Variants in NBEA observed in about 807,000 individuals in gnomAD.
NBEA encodes the protein neurobeachin.
NBEA carries 44 observed loss-of-function variants against 343.4 expected under a neutral mutation model. The observed-to-expected ratio is 0.13, with a 90% CI of 0.10 to 0.16. NBEA has a LOEUF of 0.16. NBEA is among the 10% of genes least tolerant of loss of function. The pLI, the probability that NBEA is intolerant of heterozygous loss-of-function variation, is 1.00. For synonymous variants in NBEA, 1,175 were observed against 1,238.7 expected (o/e 0.95, Z 1.08); for missense variants, 2,555 against 3,631.3 (o/e 0.70, Z 7.62).
chr13:35,450,667 TACA>T (rs2046265356), intron 39 of NBEA, among the ~76,000 whole-genome samples: 1 of 152,140 alleles, frequency 6.6e-6, no homozygotes, highest in South Asian at 2.1e-4. Context: ...AAAAATATAA[TACA>T]ACACCATATA....
At chr13:35,168,501 A>C (rs1314146327) in intron 24 of NBEA, among the ~76,000 whole-genome samples, 2 of 151,540 alleles carry the variant, frequency 1.3e-5, no homozygotes, top group African/African-American at 2.4e-5. Flanking sequence ...AACTATAGGA[A>C]GCTTTCTGTA....
intron 49 of NBEA, among the ~76,000 whole-genome samples, chr13:35,632,363 T>C (rs935877173): frequency 6.6e-6 from 1 of 152,172 alleles, no homozygotes; most frequent in Non-Finnish European, 1.5e-5. Flanking sequence ...GGGAACTTGC[T>C]AGAACTTCAG....
intron 11 of NBEA, among the ~76,000 whole-genome samples, chr13:35,107,544 A>G (rs2065977577): frequency 6.6e-6 from 1 of 152,030 alleles, no homozygotes; most frequent in Admixed American, 6.6e-5. Flanking sequence ...TATCTGCCCC[A>G]TAGTTTCTTC....
intron 41 of NBEA, among the ~76,000 whole-genome samples, chr13:35,488,116 C>T (rs920967360): frequency 7.2e-5 from 11 of 151,860 alleles, no homozygotes; most frequent in Middle Eastern, 3.4e-3. Flanking sequence ...GTATTTTTTC[C>T]GTGACTTGAC....
chr13:35,370,260 C>T (rs770076162), intron 38 of NBEA, among the ~76,000 whole-genome samples: 3 of 151,872 alleles, frequency 2.0e-5, no homozygotes, highest in Non-Finnish European at 4.4e-5. Context: ...TTTTCTCTTG[C>T]TGAGTTGGTC....
chr13:35,363,844 A>C (rs2040952861), intron 38 of NBEA, among the ~76,000 whole-genome samples: 1 of 151,978 alleles, frequency 6.6e-6, no homozygotes, highest in Non-Finnish European at 1.5e-5. Context: ...AATGAACAGA[A>C]AACATAAATC....
intron 34 of NBEA, among the ~76,000 whole-genome samples, chr13:35,273,920 G>A (rs1307092052): frequency 2.6e-5 from 4 of 152,046 alleles, no homozygotes; most frequent in South Asian, 2.1e-4. Flanking sequence ...ATTCACAGCC[G>A]AATTCTACCA....
intron 17 of NBEA, among the ~76,000 whole-genome samples, chr13:35,140,517 T>A (rs1370413455): frequency 1.3e-5 from 2 of 152,176 alleles, no homozygotes; most frequent in African/African-American, 2.4e-5. Flanking sequence ...GTATTTTTTT[T>A]AAATAGCCAT....
At chr13:35,273,484 A>G (rs2034332244) in intron 34 of NBEA, among the ~76,000 whole-genome samples, 1 of 152,188 alleles carries the variant, frequency 6.6e-6, no homozygotes, top group Admixed American at 6.5e-5. Context: ...TTCAAAAACT[A>G]GCAGAAGACA....
At chr13:34,984,063 G>T (rs1327061562) in intron 1 of NBEA, among the ~76,000 whole-genome samples, 2 of 151,984 alleles carry the variant, frequency 1.3e-5, no homozygotes, top group Admixed American at 6.6e-5. Context: ...GTCAATTTTG[G>T]CTTTTGTTGC....
chr13:35,568,871 T>A (rs1250329484), intron 45 of NBEA, among the ~76,000 whole-genome samples: 3 of 152,238 alleles, frequency 2.0e-5, no homozygotes, highest in Non-Finnish European at 4.4e-5. Flanking sequence ...ACAAGAACTC[T>A]GCAGCTAGAC....
At chr13:35,046,477 G>A (rs980078451) in intron 4 of NBEA, among the ~76,000 whole-genome samples, 2 of 152,022 alleles carry the variant, frequency 1.3e-5, no homozygotes, top group East Asian at 3.9e-4. Flanking sequence ...GTTATGTACA[G>A]TAGTCCCGCC....
At chr13:35,145,186 G>T (rs534011198) in intron 18 of NBEA, among the ~76,000 whole-genome samples, 4 of 152,166 alleles carry the variant, frequency 2.6e-5, no homozygotes, top group Non-Finnish European at 5.9e-5. Flanking sequence ...TCATGCTTTG[G>T]CACGGTTAGA....
chr13:35,045,185 G>C (rs548722401), intron 3 of NBEA, 121 bp from the exon 4 acceptor site: 8 of 1,196,962 alleles, frequency 6.7e-6, no homozygotes, highest in Non-Finnish European at 9.3e-6. Context: ...TAAATGTTTT[G>C]TAAATGATTT....
intron 38 of NBEA, among the ~76,000 whole-genome samples, chr13:35,420,305 G>C (rs1012160848): frequency 2.0e-5 from 3 of 151,874 alleles, no homozygotes; most frequent in Non-Finnish European, 4.4e-5. Flanking sequence ...TTTTATTCCT[G>C]TTTTCCTGAA....
intron 34 of NBEA, among the ~76,000 whole-genome samples, chr13:35,258,170 AT>A (rs572598945): frequency 0.05 from 6,672 of 134,494 alleles, 334 homozygotes; most frequent in African/African-American, 0.14. Context: ...AGTCTTTGTC[AT>A]TTTTTTTTTT....
chr13:34,979,473 T>C (rs943395990), intron 1 of NBEA, among the ~76,000 whole-genome samples: 1 of 151,994 alleles, frequency 6.6e-6, no homozygotes, highest in Non-Finnish European at 1.5e-5. Flanking sequence ...TGAGCCAAGA[T>C]TGAGCCACTG....
In NBEA at chr13:35,670,033, CT is replaced by C. The variant is rs1314842867; in HGVS notation, c.8814-866del. On this transcript the variant is annotated intron_variant, in intron 58 of 58. Transcript: ENST00000379939. ...TTTCTATTTCTATTTTAACCTCATC[CT>C]TGGTTTTGATTATTTTGTTGTTTTA... 3.9e-5 allele frequency among the ~76,000 whole-genome samples: 6 copies of C among 152,112 alleles called. No homozygotes were observed. The East Asian group carries it at 9.6e-4, about 24-fold the overall frequency.
At chr13:35,466,886 A>AT (rs938697667) in intron 40 of NBEA, among the ~76,000 whole-genome samples, 23 of 151,792 alleles carry the variant, frequency 1.5e-4, no homozygotes, top group South Asian at 2.1e-4. Flanking sequence ...TGCTACTATG[A>AT]TTTTTTTTTA....
Sources: gnomAD v4.1 joint callset for allele counts (sites outside exome capture counted in the v4.1 genomes callset) on GRCh38, gnomAD v4.1.1 for gene constraint, MANE v1.5 for transcripts, NCBI Gene and HGNC (gene_info 2026-07-23, HGNC 2026-07-21) for gene names.